Variants in VPS13D observed in about 807,000 individuals in gnomAD.
The protein encoded by VPS13D is vacuolar protein sorting 13 homolog D.
VPS13D carries 187 observed loss-of-function variants against 461.9 expected under a neutral mutation model. The observed-to-expected ratio is 0.40, with a 90% confidence interval of 0.36 to 0.46. The LOEUF is 0.46. Among genes scored for constraint, VPS13D ranks in the 20% least tolerant of loss-of-function variants. The pLI, the probability that VPS13D is intolerant of heterozygous loss-of-function variation, is 0.60. For missense variants in VPS13D, 4,711 were observed against 5,364.9 expected (o/e 0.88, Z 3.81); for synonymous variants, 1,951 against 1,986.3 (o/e 0.98, Z 0.47).
At chr1:12,287,912 A>C (rs1642019266) in intron 21 of VPS13D, among the ~76,000 whole-genome samples, 1 of 152,240 alleles carries the variant, frequency 6.6e-6, no homozygotes, top group Non-Finnish European at 1.5e-5. Context: ...GAATTGTATA[A>C]TATTAATGAT....
At chr1:12,479,005 G>C (rs768538677) in intron 67 of VPS13D, 1 of 412,158 alleles carries the variant, frequency 2.4e-6, no homozygotes. Flanking sequence ...TGCTAAAACA[G>C]AGCAGGTGGA....
intron 44 of VPS13D, 96 bp downstream of exon 44, chr1:12,346,748 T>C (rs1643685374): frequency 3.4e-6 from 4 of 1,171,206 alleles, no homozygotes; most frequent in African/African-American, 1.6e-5. Context: ...AGAGAAACTT[T>C]ATGACATATA....
chr1:12,403,022 A>G (rs1644600455), intron 62 of VPS13D, among the ~76,000 whole-genome samples: 1 of 152,210 alleles, frequency 6.6e-6, no homozygotes, highest in African/African-American at 2.4e-5. Flanking sequence ...TCCTCAGCAT[A>G]AATGGGCAGG....
intron 67 of VPS13D, among the ~76,000 whole-genome samples, chr1:12,469,049 A>C (rs1557458934): frequency 6.6e-6 from 1 of 151,998 alleles, no homozygotes; most frequent in East Asian, 1.9e-4. Flanking sequence ...AAAAAAAAAA[A>C]AACAAAAAAC....
intron 50 of VPS13D, among the ~76,000 whole-genome samples, chr1:12,359,888 C>G (rs542644575): frequency 1.7e-4 from 26 of 152,314 alleles, no homozygotes; most frequent in Admixed American, 7.2e-4. Flanking sequence ...GCAAAGGCTG[C>G]TTTATGCTGA....
chr1:12,401,724 G>C lies in VPS13D; in HGVS notation c.11881+20G>C. ...AATCAGGTAATGTTGAATGTTCTAT[G>C]TCTGTGTTTGGGAATTGGTCCAAAG... is the stretch of plus-strand genomic sequence containing the variant. On this transcript the variant is annotated intron_variant, in intron 62 of 69. Transcript: ENST00000620676. 1 of 1,595,730 alleles carries C rather than the reference G, an allele frequency of 6.3e-7. No individual in the cohort carries two copies. Among genetic ancestry groups the C allele is most frequent in the Middle Eastern group, 1.7e-4 (1 of 6,018 alleles).
intron 55 of VPS13D, among the ~76,000 whole-genome samples, 155 bp from the exon 56 acceptor site, chr1:12,378,273 A>G (rs186378668): frequency 1.3e-5 from 2 of 152,360 alleles, no homozygotes; most frequent in Admixed American, 1.3e-4. Flanking sequence ...GATAACCATG[A>G]AAGTTTGAAT....
intron 39 of VPS13D, 63 bp from the exon 40 acceptor site, chr1:12,338,168 G>A (rs1472422755): frequency 1.4e-6 from 2 of 1,423,888 alleles, no homozygotes; most frequent in Non-Finnish European, 2.0e-6. Flanking sequence ...TCGTTTGGAA[G>A]CAAGTCTTCT....
rs757037561 is a variant in VPS13D at position 12,275,851 on chromosome 1, G to T, written c.2263G>T (p.Gly755Trp). 1 of 1,594,286 alleles carries T rather than the reference G, an allele frequency of 6.3e-7. No individual in the cohort carries two copies. The highest frequency in any genetic ancestry group is 8.5e-7 in the Non-Finnish European group (1 of 1,171,258). The change falls in exon 19 of 70, where the codon GGG becomes TGG. Residue 755 changes from glycine to tryptophan, a missense_variant. Coordinates refer to ENST00000620676, the MANE Select transcript of VPS13D (RefSeq NM_015378.4). ...QDNSRRKSRDGSASEETQFSD... is the reference protein window; with the variant it reads ...QDNSRRKSRDWSASEETQFSD... Reference sequence around the variant, plus strand: ...TAACTCCAGGAGGAAAAGTAGGGATGGGTCAGCATCTGAAGAGACCCAGTT... The same window carrying T: ...TAACTCCAGGAGGAAAAGTAGGGATTGGTCAGCATCTGAAGAGACCCAGTT...
intron 29 of VPS13D, among the ~76,000 whole-genome samples, chr1:12,313,299 CTTTTTTTTTTTTTT>C (rs765170972): frequency 2.6e-4 from 31 of 117,584 alleles, no homozygotes; most frequent in African/African-American, 8.8e-4. Flanking sequence ...TTATTCTTTC[CTTTTTTTTTTTTTT>C]TTTTTTTTTT....
In VPS13D at chr1:12,258,102, A is replaced by G. The variant is rs1640977368; in HGVS notation, c.1109A>G (p.Lys370Arg). The G allele has an allele frequency of 6.2e-7, 1 of 1,614,118 alleles. No individual in the cohort carries two copies. The highest frequency in any genetic ancestry group is 8.5e-7 in the Non-Finnish European group (1 of 1,179,944). Reference protein sequence around the residue: ...LKGGLLSTDDKEEMCRIEEEQ... With the variant: ...LKGGLLSTDDREEMCRIEEEQ... ...GGAGGCCTGCTGTCCACAGATGACAAGGTAAGTGGACTGTGGTCTTGTGTT... is the reference window on the plus strand; with the variant it reads ...GGAGGCCTGCTGTCCACAGATGACAGGGTAAGTGGACTGTGGTCTTGTGTT... The change falls in exon 10 of 70, where the codon AAG (lysine) becomes AGG (arginine). Residue 370 changes from lysine to arginine, a missense_variant and splice_region_variant. By Grantham distance (26) the Lys-to-Arg change is conservative. This residue lies in a region of VPS13D where 4,411 missense variants were observed against 4,937.8 expected (regional missense o/e 0.89). Coordinates refer to ENST00000620676, the MANE Select transcript of VPS13D (RefSeq NM_015378.4).
Position 12,260,963 on chromosome 1 carries a change from C to A in VPS13D, c.1228C>A (p.Gln410Lys). The A allele has an allele frequency of 6.2e-7, 1 of 1,613,874 alleles. No individual in the cohort carries two copies. The highest frequency in any genetic ancestry group is 8.5e-7 in the Non-Finnish European group (1 of 1,180,016). Reference protein sequence around the residue: ...EELAESLREPQFDSPGACPGA... With the variant: ...EELAESLREPKFDSPGACPGA... ...ATTGACACAGAGTCTGCGGGAGCCTCAGTTTGATTCTCCAGGAGCCTGTCC... is the reference window on the plus strand; with the variant it reads ...ATTGACACAGAGTCTGCGGGAGCCTAAGTTTGATTCTCCAGGAGCCTGTCC... Residue 410 changes from glutamine (Q) to lysine (K), a missense_variant, in exon 12 of 70, where the codon CAG (glutamine) becomes AAG (lysine). Around this residue, in one of 3 missense-constraint regions of VPS13D, gnomAD observed 4,411 missense variants for 4,937.8 expected, o/e 0.89. Transcript: ENST00000620676.
intron 60 of VPS13D, among the ~76,000 whole-genome samples, chr1:12,386,856 C>T (rs1411230114): frequency 6.6e-6 from 1 of 152,116 alleles, no homozygotes; most frequent in Non-Finnish European, 1.5e-5. Flanking sequence ...GCCTTTCTTA[C>T]CAATTTGAGA....
At chr1:12,347,371 C>T (rs935909965) in intron 44 of VPS13D, among the ~76,000 whole-genome samples, 3 of 152,128 alleles carry the variant, frequency 2.0e-5, no homozygotes, top group Admixed American at 6.5e-5. Context: ...GGGGTTTCAC[C>T]GTGTTAGCCA....
At chr1:12,381,922 T>TTTTCTTTTCTTCTTTCTTTC (rs71570104) in intron 57 of VPS13D, among the ~76,000 whole-genome samples, 1 of 101,168 alleles carries the variant, frequency 9.9e-6, no homozygotes, top group Non-Finnish European at 2.1e-5. Flanking sequence ...CTTTCTTTTC[T>TTTTCTTTTCTTCTTTCTTTC]TTTCTTTCTT....
chr1:12,469,109 A>G (rs1171590423), intron 67 of VPS13D, among the ~76,000 whole-genome samples: 3 of 152,066 alleles, frequency 2.0e-5, no homozygotes, highest in Admixed American at 6.5e-5. Flanking sequence ...TTACTTATCT[A>G]TATCCTTAGT....
At chr1:12,278,383 G>T (rs1488451545) in intron 19 of VPS13D, among the ~76,000 whole-genome samples, 1 of 152,078 alleles carries the variant, frequency 6.6e-6, no homozygotes, top group African/African-American at 2.4e-5. Flanking sequence ...TGATTCTCCT[G>T]GCTCAGCCTC....
chr1:12,326,182 T>A (rs1354598374), intron 35 of VPS13D, among the ~76,000 whole-genome samples: 1 of 151,784 alleles, frequency 6.6e-6, no homozygotes, highest in African/African-American at 2.4e-5. Flanking sequence ...TTCTTGGTTT[T>A]GTTTTACCCA....
intron 38 of VPS13D, among the ~76,000 whole-genome samples, chr1:12,334,194 C>T (rs1375229258): frequency 2.0e-5 from 3 of 152,008 alleles, no homozygotes; most frequent in Non-Finnish European, 4.4e-5. Context: ...GTTTGTTGAC[C>T]CCCCAAATTT....
Sources: allele counts gnomAD v4.1 joint callset (sites outside exome capture counted in the v4.1 genomes callset), GRCh38; gene constraint gnomAD v4.1.1; regional missense constraint gnomAD v4.1.1; transcripts MANE v1.5; gene names NCBI Gene and HGNC (gene_info 2026-07-23, HGNC 2026-07-21).